Variants in MYL1 observed in about 807,000 individuals in gnomAD.
MYL1 encodes myosin light chain 1.
MYL1 carries 16 observed loss-of-function variants against 21.8 expected under a neutral mutation model. The observed-to-expected ratio is 0.74, with a 90% CI of 0.50 to 1.12. The LOEUF is 1.12. Among genes scored for constraint, MYL1 ranks in the 50% most tolerant of loss-of-function variants. The pLI is 0.00. For missense variants in MYL1, 246 were observed against 241.0 expected (o/e 1.02, Z -0.14); for synonymous variants, 99 against 85.2 (o/e 1.16, Z -0.89).
intron 1 of MYL1, among the ~76,000 whole-genome samples, chr2:210,311,348 T>G (rs1341784493): frequency 2.0e-5 from 3 of 152,084 alleles, no homozygotes; most frequent in Non-Finnish European, 2.9e-5. Context: ...GTAAATGTAT[T>G]TGGGAACATT....
intron 5 of MYL1, 136 bp from the exon 6 acceptor site, chr2:210,291,210 G>A: frequency 1.5e-6 from 1 of 682,022 alleles, no homozygotes; most frequent in South Asian, 2.0e-5. Flanking sequence ...TATTTAAGGT[G>A]TGTATAGCTC....
chr2:210,302,655 C>T (rs949899453), intron 1 of MYL1, 140 bp from the exon 2 acceptor site: 3 of 1,495,678 alleles, frequency 2.0e-6, no homozygotes, highest in Non-Finnish European at 1.8e-6. Flanking sequence ...TCAGGCGTAG[C>T]TTGGACACTA....
At chr2:210,304,524 A>T (rs1244856541) in intron 1 of MYL1, among the ~76,000 whole-genome samples, 1 of 152,154 alleles carries the variant, frequency 6.6e-6, no homozygotes, top group Non-Finnish European at 1.5e-5. Context: ...GAGCTTGTGG[A>T]ATACAAAATT....
chr2:210,302,600 G>A lies in MYL1; in HGVS notation c.133-85C>T. On this transcript the variant is annotated intron_variant, in intron 1 of 6. Coordinates refer to ENST00000352451, the MANE Select transcript of MYL1 (RefSeq NM_079420.3). ...TAGTTGTATCCAGCTCATTCCCTGA[G>A]TAATCTTCAAAGTAAGCTCCAAAAG... 2.6e-6 allele frequency: 4 copies of A among 1,525,744 alleles called. No homozygotes were observed. The South Asian group carries it at 4.9e-5, about 19-fold the overall frequency. The allele number at this position is 1,525,744 out of a possible 1,614,324, so 94.5% of individuals were successfully genotyped here.
chr2:210,291,103 A>C (rs764643657), intron 5 of MYL1, 29 bp from the exon 6 acceptor site: 1 of 1,589,264 alleles, frequency 6.3e-7, no homozygotes. Context: ...CAAAATAGAC[A>C]ATTTAGAGTT....
At chr2:210,295,826 G>GA (rs753119896) in intron 3 of MYL1, among the ~76,000 whole-genome samples, 4,673 of 69,704 alleles carry the variant, frequency 0.067, 213 homozygotes, top group African/African-American at 0.18. Flanking sequence ...CCCTGCCTCA[G>GA]AAAAAAAAAA....
chr2:210,294,173 G>A (rs910624476), intron 4 of MYL1, 72 bp downstream of exon 4: 30 of 1,380,732 alleles, frequency 2.2e-5, no homozygotes, highest in Middle Eastern at 1.9e-4. Flanking sequence ...TTTTGGTAGT[G>A]ACATGATTCT....
intron 2 of MYL1, among the ~76,000 whole-genome samples, chr2:210,301,554 T>C (rs1033405214): frequency 3.3e-5 from 5 of 152,074 alleles, no homozygotes; most frequent in African/African-American, 1.2e-4. Flanking sequence ...TTATGACCAA[T>C]ATTCTAATTT....
chr2:210,307,851 C>A (rs1007527868), intron 1 of MYL1, among the ~76,000 whole-genome samples: 1 of 152,050 alleles, frequency 6.6e-6, no homozygotes, highest in East Asian at 1.9e-4. Flanking sequence ...AAAGTAATTG[C>A]GGCTTTGCCA....
At chr2:210,314,676 C>A (rs543352355) in intron 1 of MYL1, among the ~76,000 whole-genome samples, 21 of 152,234 alleles carry the variant, frequency 1.4e-4, no homozygotes, top group Middle Eastern at 3.4e-3. Flanking sequence ...AAAATGGAAA[C>A]TTGAGAATAA....
In MYL1 at chr2:210,294,124, T is replaced by A. The variant is rs13427549; in HGVS notation, c.478+121A>T. On this transcript the variant is annotated intron_variant, in intron 4 of 6. Coordinates refer to ENST00000352451, the MANE Select transcript of MYL1 (RefSeq NM_079420.3). ...TGAAATGGTCATTAACTTTTGACTATTTTTTTTTCCCATTTTCCCTTTGTA... is the reference window on the plus strand; with the variant it reads ...TGAAATGGTCATTAACTTTTGACTAATTTTTTTTCCCATTTTCCCTTTGTA... 4.3e-3 allele frequency: 4,418 copies of A among 1,024,164 alleles called. 126 individuals are homozygous for A. In the African/African-American group the frequency reaches 0.063, roughly 14 times the overall value. The allele number at this position is 1,024,164 out of a possible 1,614,324, so 63.4% of individuals were successfully genotyped here. A position where few individuals can be genotyped will look rare whatever the true frequency, so the allele number is the denominator to read the frequency against.
At chr2:210,306,006 G>C in intron 1 of MYL1, among the ~76,000 whole-genome samples, 1 of 151,860 alleles carries the variant, frequency 6.6e-6, no homozygotes, top group East Asian at 1.9e-4. Flanking sequence ...GTTGCGGTGA[G>C]CTGAGATCGT....
intron 1 of MYL1, chr2:210,302,849 T>C (rs1690285801): frequency 2.0e-5 from 30 of 1,517,756 alleles, no homozygotes; most frequent in Non-Finnish European, 2.7e-5. Flanking sequence ...TCAAATGCAT[T>C]GACAGAAGAA....
intron 1 of MYL1, among the ~76,000 whole-genome samples, chr2:210,304,820 T>C (rs1288842215): frequency 6.6e-6 from 1 of 152,184 alleles, no homozygotes. Context: ...CAGGCATGAG[T>C]CACCTTGTCC....
chr2:210,293,003 T>G (rs941239283), intron 5 of MYL1, among the ~76,000 whole-genome samples: 2 of 151,742 alleles, frequency 1.3e-5, no homozygotes, highest in Admixed American at 1.3e-4. Flanking sequence ...CTCCTTTCCT[T>G]TCTTCTCCTT....
At chr2:210,304,528 C>G (rs1007295053) in intron 1 of MYL1, among the ~76,000 whole-genome samples, 2 of 152,090 alleles carry the variant, frequency 1.3e-5, no homozygotes, top group Non-Finnish European at 2.9e-5. Flanking sequence ...TTGTGGAATA[C>G]AAAATTGTAC....
chr2:210,301,691 A>C (rs1384456058), intron 2 of MYL1, among the ~76,000 whole-genome samples: 1 of 152,128 alleles, frequency 6.6e-6, no homozygotes, highest in Non-Finnish European at 1.5e-5. Context: ...TAATGAAAAC[A>C]TCAAGCTCCT....
chr2:210,302,762 A>T, intron 1 of MYL1: 1 of 1,566,334 alleles, frequency 6.4e-7, no homozygotes, highest in Middle Eastern at 1.7e-4. Context: ...AACTCAATTC[A>T]CTTACCAGCA....
chr2:210,298,630 A>G, intron 2 of MYL1, 67 bp from the exon 3 acceptor site: 1 of 1,557,358 alleles, frequency 6.4e-7, no homozygotes. Context: ...ACCTAACCTT[A>G]TCAAAAATTC....
Sources: allele counts gnomAD v4.1 joint callset (sites outside exome capture counted in the v4.1 genomes callset), GRCh38; gene constraint gnomAD v4.1.1; transcripts MANE v1.5; gene names NCBI Gene and HGNC (gene_info 2026-07-23, HGNC 2026-07-21).